Variants in MRPL48 observed in about 807,000 individuals in gnomAD.
The protein encoded by MRPL48 is large ribosomal subunit protein mL48.
Under a neutral mutation model 32.9 loss-of-function variants are expected in MRPL48, and 16 were observed. The ratio of observed to expected loss-of-function variants is 0.49; its 90% CI spans 0.33 to 0.74. The LOEUF is 0.74. MRPL48 is among the 30% of genes least tolerant of loss of function. The probability of loss-of-function intolerance (pLI) is 0.02; values close to 1 mark genes in which losing one functional copy is unlikely to be tolerated. For synonymous variants in MRPL48, 94 were observed against 89.2 expected, an observed-to-expected ratio of 1.05 and a Z score of -0.31; for missense variants, 206 against 245.3, an observed-to-expected ratio of 0.84 and a Z score of 1.07.
intron 3 of MRPL48, among the ~76,000 whole-genome samples, chr11:73,822,322 TCCTCTGAGCA>T (rs1376281872): frequency 3.9e-5 from 6 of 152,176 alleles, no homozygotes; most frequent in Non-Finnish European, 7.3e-5. Flanking sequence ...AGTTTTTTCT[TCCTCTGAGCA>T]CCTATGACAT....
At chr11:73,835,628 G>A (rs1389636544) in intron 4 of MRPL48, among the ~76,000 whole-genome samples, 1 of 152,152 alleles carries the variant, frequency 6.6e-6, no homozygotes, top group Non-Finnish European at 1.5e-5. Flanking sequence ...GCAGAGCACA[G>A]TGACTCACAC....
In MRPL48 at chr11:73,800,810, CT is replaced by C. The variant is rs1223951183; in HGVS notation, c.22-4199del. On this transcript the variant is annotated intron_variant, in intron 1 of 7. Transcript: ENST00000310614. ...AAGTTGTCAACTCTTTTTTCTTTTT[CT>C]TTTTTTTTTTTTTTTTTGAGATGGA... 6.5e-3 allele frequency among the ~76,000 whole-genome samples: 867 copies of C among 132,866 alleles called. 5 individuals are homozygous for C. The highest frequency in any genetic ancestry group is 0.021 in the African/African-American group (755 of 35,960). 87.2% of individuals were successfully genotyped at this position (132,866 alleles called of 152,430 possible).
intron 6 of MRPL48, among the ~76,000 whole-genome samples, chr11:73,862,016 G>A (rs373483980): frequency 1.3e-5 from 2 of 152,156 alleles, no homozygotes; most frequent in Admixed American, 6.5e-5. Flanking sequence ...GCCCGGGCAC[G>A]GTGGTTCACA....
chr11:73,807,631 C>CTTTTTTT (rs777408873), intron 2 of MRPL48, among the ~76,000 whole-genome samples: 19 of 106,806 alleles, frequency 1.8e-4, no homozygotes, highest in Non-Finnish European at 2.2e-4. Flanking sequence ...GTATTATTAT[C>CTTTTTTT]TTTTTTTTTT....
intron 2 of MRPL48, among the ~76,000 whole-genome samples, chr11:73,805,924 G>T (rs974298977): frequency 6.6e-6 from 1 of 152,102 alleles, no homozygotes; most frequent in African/African-American, 2.4e-5. Context: ...GGGATTACAG[G>T]CATGAGCCAC....
rs984626509 is a variant in MRPL48 at position 73,859,932 on chromosome 11, G to A, written c.397G>A (p.Glu133Lys). 1.2e-6 allele frequency: 2 copies of A among 1,613,800 alleles called. 1 individual carries two copies. The highest frequency in any genetic ancestry group is 2.2e-5 in the South Asian group (2 of 91,056). ...ESYAMPTKTI[E>K]VLQLQDQGSK... The stretch of plus-strand genomic sequence containing the variant: ...TTATGCAATGCCAACCAAAACCATA[G>A]AAGTGTTGCAGTTGCAGGACCAAGG... The change falls in exon 6 of 8, where the codon GAA becomes AAA. Residue 133 changes from glutamate to lysine, a missense_variant. Glu to Lys is a moderately conservative substitution (Grantham distance 56). Transcript: ENST00000310614.
At chr11:73,814,066 A>G (rs947778526) in intron 3 of MRPL48, among the ~76,000 whole-genome samples, 2 of 150,794 alleles carry the variant, frequency 1.3e-5, no homozygotes, top group African/African-American at 2.4e-5. Context: ...AAAATCCTTC[A>G]TATTACCTTC....
chr11:73,864,218 C>G, intron 7 of MRPL48, 78 bp from the exon 8 acceptor site: 2 of 1,368,492 alleles, frequency 1.5e-6, no homozygotes, highest in Middle Eastern at 1.8e-4. Flanking sequence ...TTCAAGGGCC[C>G]TTTTTGGATG....
intron 6 of MRPL48, among the ~76,000 whole-genome samples, chr11:73,862,270 A>T (rs1057181087): frequency 7.2e-5 from 11 of 152,134 alleles, no homozygotes; most frequent in Admixed American, 6.5e-4. Context: ...TAAAAATACA[A>T]AATTAGCCAG....
Position 73,864,723 on chromosome 11 carries a change from G to A in MRPL48, c.*353G>A, listed in dbSNP as rs1021056039. The A allele has an allele frequency of 7.2e-5, 18 of 250,950 alleles. No individual in the cohort carries two copies. The highest frequency in any genetic ancestry group is 2.2e-4 in the African/African-American group (10 of 45,868). 15.5% of individuals were successfully genotyped at this position (250,950 alleles called of 1,614,324 possible). On this transcript the variant is annotated 3_prime_UTR_variant, in exon 8 of 8. Transcript: ENST00000310614. ...TGTAATCCCAGCACTTTGCGAGGCCGAGGCAGGAGGACTGCTCGAGGCCAG... is the reference window on the plus strand; with the variant it reads ...TGTAATCCCAGCACTTTGCGAGGCCAAGGCAGGAGGACTGCTCGAGGCCAG...
chr11:73,856,724 G>A (rs903964518), intron 5 of MRPL48, among the ~76,000 whole-genome samples: 1 of 152,102 alleles, frequency 6.6e-6, no homozygotes, highest in African/African-American at 2.4e-5. Flanking sequence ...CACCCTAGCA[G>A]ACTTCCTTTT....
intron 5 of MRPL48, among the ~76,000 whole-genome samples, chr11:73,858,833 A>G (rs114972596): frequency 0.013 from 2,039 of 152,322 alleles, 41 homozygotes; most frequent in African/African-American, 0.047. Flanking sequence ...TTTATACATG[A>G]AGAAACTGAG....
intron 4 of MRPL48, among the ~76,000 whole-genome samples, chr11:73,830,380 G>A (rs10501412): frequency 0.09 from 13,700 of 152,204 alleles, 739 homozygotes; most frequent in South Asian, 0.26. Flanking sequence ...AGGGTGGCTA[G>A]TACAGTAGTG....
At chr11:73,843,221 C>CT (rs543502031) in intron 4 of MRPL48, 1,464 of 136,916 alleles carry the variant, frequency 0.011, 20 homozygotes, top group Middle Eastern at 0.036. Context: ...TTTGTTTTAA[C>CT]TTTTTTTTTT....
chr11:73,818,911 G>A (rs1367645363), intron 3 of MRPL48, among the ~76,000 whole-genome samples: 1 of 152,186 alleles, frequency 6.6e-6, no homozygotes, highest in African/African-American at 2.4e-5. Context: ...TTATAATTGT[G>A]ATAATTGAAA....
At chr11:73,795,385 G>C (rs890017110) in intron 1 of MRPL48, among the ~76,000 whole-genome samples, 1 of 151,678 alleles carries the variant, frequency 6.6e-6, no homozygotes, top group African/African-American at 2.4e-5. Context: ...ACTTCACCTG[G>C]ACTTCATCTC....
intron 1 of MRPL48, among the ~76,000 whole-genome samples, chr11:73,792,181 G>GC (rs1947165079): frequency 6.6e-6 from 1 of 152,208 alleles, no homozygotes; most frequent in Non-Finnish European, 1.5e-5. Flanking sequence ...CATTCATGCT[G>GC]ATATTTATCA....
chr11:73,805,488 G>A (rs2134962781), intron 2 of MRPL48, among the ~76,000 whole-genome samples: 1 of 151,648 alleles, frequency 6.6e-6, no homozygotes, highest in East Asian at 1.9e-4. Flanking sequence ...TAGAGATGGG[G>A]TTTCACCATG....
chr11:73,864,457 C>T lies in MRPL48; in HGVS notation c.*87C>T. The T allele has an allele frequency of 7.5e-7, 1 of 1,337,316 alleles. No individual in the cohort carries two copies. Among genetic ancestry groups the T allele is most frequent in the Non-Finnish European group, 1.1e-6 (1 of 947,248 alleles). 82.8% of individuals were successfully genotyped at this position (1,337,316 alleles called of 1,614,324 possible). A position where few individuals can be genotyped will look rare whatever the true frequency, so the allele number is the denominator to read the frequency against. On this transcript the variant is annotated 3_prime_UTR_variant, in exon 8 of 8. Transcript: ENST00000310614. Reference sequence around the variant, plus strand: ...GGGTAGTTAGAGTTCATCAGGAGACCCAACCCTTAGATTTCATAAGTACCC... The same window carrying T: ...GGGTAGTTAGAGTTCATCAGGAGACTCAACCCTTAGATTTCATAAGTACCC...
Sources: allele counts gnomAD v4.1 joint callset (sites outside exome capture counted in the v4.1 genomes callset), GRCh38; gene constraint gnomAD v4.1.1; transcripts MANE v1.5; gene names NCBI Gene and HGNC (gene_info 2026-07-23, HGNC 2026-07-21).